The following PLXDC2 variants were observed in gnomAD, a reference collection of about 807,000 sequenced individuals.
PLXDC2 encodes plexin domain-containing protein 2.
A neutral mutation model predicts 68.9 loss-of-function variants in PLXDC2; 40 were observed. The observed-to-expected ratio is 0.58, with a 90% CI of 0.45 to 0.76. The LOEUF is 0.76. PLXDC2 is among the 30% of genes least tolerant of loss of function. PLXDC2 has a pLI of 0.00. For synonymous variants in PLXDC2, 243 were observed against 234.2 expected (o/e 1.04, Z -0.34); for missense variants, 644 against 661.9 (o/e 0.97, Z 0.30).
At position 19,994,255 on chromosome 10, in the gene PLXDC2, T is replaced by C. The variant is rs930544479; in HGVS notation, c.113-7520T>C. Among the ~76,000 whole-genome samples, 46 of 38,718 alleles carry C rather than the reference T, an allele frequency of 1.2e-3. 1 individual carries two copies. The highest frequency in any genetic ancestry group is 4.2e-3 in the African/African-American group (45 of 10,744). The allele number at this position is 38,718 out of a possible 152,430, so 25.4% of individuals were successfully genotyped here. A position where few individuals can be genotyped will look rare whatever the true frequency, so the allele number is the denominator to read the frequency against. ...TCATAGGTTCCCATTGTATTCTCCTTTTTTTTTTTTTTTTTTTTTTTAACC... is the reference window on the plus strand; with the variant it reads ...TCATAGGTTCCCATTGTATTCTCCTCTTTTTTTTTTTTTTTTTTTTTAACC... On this transcript the variant is annotated intron_variant, in intron 1 of 13. Coordinates refer to ENST00000377252, the MANE Select transcript of PLXDC2 (RefSeq NM_032812.9).
chr10:19,966,370 A>AAAATATATATGTGCACATATAT (rs1564641802), intron 1 of PLXDC2, among the ~76,000 whole-genome samples: 8 of 133,486 alleles, frequency 6.0e-5, no homozygotes, highest in East Asian at 2.0e-4. Flanking sequence ...CACATATATA[A>AAAATATATATGTGCACATATAT]AAAATATATA....
chr10:20,247,828 G>C (rs1189431126), intron 13 of PLXDC2, among the ~76,000 whole-genome samples: 1 of 152,182 alleles, frequency 6.6e-6, no homozygotes, highest in Non-Finnish European at 1.5e-5. Context: ...GGACATTTCA[G>C]ACTTCCAGTG....
intron 12 of PLXDC2, among the ~76,000 whole-genome samples, chr10:20,234,603 A>G (rs1835408138): frequency 6.6e-6 from 1 of 151,816 alleles, no homozygotes; most frequent in South Asian, 2.1e-4. Context: ...AACACAAACT[A>G]AAATGAAATT....
chr10:20,127,820 T>A (rs1833813187), intron 4 of PLXDC2, among the ~76,000 whole-genome samples: 1 of 152,058 alleles, frequency 6.6e-6, no homozygotes, highest in South Asian at 2.1e-4. Context: ...CAAGACCCCA[T>A]CTCTTAAACA....
At chr10:20,077,710 C>G (rs1475635344) in intron 4 of PLXDC2, among the ~76,000 whole-genome samples, 1 of 152,066 alleles carries the variant, frequency 6.6e-6, no homozygotes, top group Non-Finnish European at 1.5e-5. Flanking sequence ...ATCCAAAGCA[C>G]TTTTAGATGA....
chr10:20,273,370 A>T (rs1047250207), intron 13 of PLXDC2, among the ~76,000 whole-genome samples: 3 of 152,032 alleles, frequency 2.0e-5, no homozygotes, highest in African/African-American at 7.3e-5. Context: ...TCCTTTCATG[A>T]TTATTACTGA....
chr10:20,164,686 A>G, intron 7 of PLXDC2, 119 bp downstream of exon 7: 2 of 746,610 alleles, frequency 2.7e-6, no homozygotes, highest in Middle Eastern at 2.4e-4. Context: ...TTAGCTGATT[A>G]ATGCTTGTTA....
intron 1 of PLXDC2, among the ~76,000 whole-genome samples, chr10:19,951,030 A>G (rs925111793): frequency 6.6e-6 from 1 of 152,214 alleles, no homozygotes; most frequent in Non-Finnish European, 1.5e-5. Context: ...GTGAGTCCTC[A>G]AACTGTAAGA....
chr10:19,858,758 A>G (rs933318686), intron 1 of PLXDC2, among the ~76,000 whole-genome samples: 1 of 152,160 alleles, frequency 6.6e-6, no homozygotes, highest in Non-Finnish European at 1.5e-5. Flanking sequence ...AAAAGGTTTC[A>G]TAATGGCACT....
intron 1 of PLXDC2, among the ~76,000 whole-genome samples, chr10:19,940,851 A>C (rs1162083527): frequency 1.3e-5 from 2 of 152,146 alleles, no homozygotes; most frequent in African/African-American, 4.8e-5. Flanking sequence ...AATTTGAGCT[A>C]TCTCTGAGCT....
At chr10:20,234,241 G>A (rs573539539) in intron 12 of PLXDC2, among the ~76,000 whole-genome samples, 84 of 152,228 alleles carry the variant, frequency 5.5e-4, no homozygotes, top group Admixed American at 1.6e-3. Context: ...AGTGTCATAT[G>A]CCCACACAGC....
intron 9 of PLXDC2, among the ~76,000 whole-genome samples, chr10:20,210,339 A>G (rs1171648407): frequency 3.9e-5 from 6 of 152,282 alleles, no homozygotes; most frequent in Non-Finnish European, 7.4e-5. Flanking sequence ...ATCTTATTGT[A>G]CTGTACTCAC....
chr10:20,121,425 C>A (rs1173641001), intron 4 of PLXDC2, among the ~76,000 whole-genome samples: 1 of 152,158 alleles, frequency 6.6e-6, no homozygotes, highest in Non-Finnish European at 1.5e-5. Context: ...CGGACACAAT[C>A]AGCAGGGAAA....
intron 1 of PLXDC2, among the ~76,000 whole-genome samples, chr10:19,972,455 TG>T (rs1422116915): frequency 1.3e-5 from 2 of 151,838 alleles, no homozygotes; most frequent in East Asian, 3.9e-4. Flanking sequence ...GGGTGAAGGG[TG>T]GGAGGAGAAT....
At chr10:20,088,587 A>G (rs78220625) in intron 4 of PLXDC2, among the ~76,000 whole-genome samples, 2,567 of 152,254 alleles carry the variant, frequency 0.017, 181 homozygotes, top group East Asian at 0.13. Context: ...AACACCACCC[A>G]TAGGAAACTA....
At chr10:20,237,740 C>G (rs1412247149) in intron 12 of PLXDC2, among the ~76,000 whole-genome samples, 2 of 152,120 alleles carry the variant, frequency 1.3e-5, no homozygotes, top group Non-Finnish European at 2.9e-5. Context: ...ATTTTGGCAT[C>G]TTCTGTGTAA....
intron 1 of PLXDC2, among the ~76,000 whole-genome samples, chr10:19,890,427 G>A (rs1837934133): frequency 1.3e-5 from 2 of 151,704 alleles, no homozygotes; most frequent in African/African-American, 4.8e-5. Flanking sequence ...GTGGTCCTCA[G>A]TGCCTATTGT....
chr10:19,922,775 G>T lies in PLXDC2; in HGVS notation c.113-79000G>T, dbSNP rs148403796. Among the ~76,000 whole-genome samples, 573 of 152,234 alleles carry T rather than the reference G, an allele frequency of 3.8e-3. 3 individuals carry two copies. Among genetic ancestry groups the T allele is most frequent in the African/African-American group, 0.013 (543 of 41,536 alleles). ...CATGTTTTGAAAGCTTATAAAGTTG[G>T]TCTCCAGTGCCAGAAATTCCCATTT... On this transcript the variant is annotated intron_variant, in intron 1 of 13. Coordinates refer to ENST00000377252, the MANE Select transcript of PLXDC2 (RefSeq NM_032812.9).
Position 20,184,043 on chromosome 10 carries a change from C to T in PLXDC2, c.1061+6634C>T, listed in dbSNP as rs1362918463. Among the ~76,000 whole-genome samples the T allele has an allele frequency of 8.9e-5, 8 of 89,560 alleles. No individual in the cohort carries two copies. The South Asian group carries it at 2.8e-3, about 31-fold the overall frequency. The allele number at this position is 89,560 out of a possible 152,430, so 58.8% of individuals were successfully genotyped here. ...CCATTAAAAGAATAAACAGAATAAG[C>T]CCCTCCTTATTAATGGTAAAGATAT... On this transcript the variant is annotated intron_variant, in intron 9 of 13. Transcript: ENST00000377252.
Sources: gnomAD v4.1 joint callset for allele counts (sites outside exome capture counted in the v4.1 genomes callset) on GRCh38, gnomAD v4.1.1 for gene constraint, MANE v1.5 for transcripts, NCBI Gene and HGNC (gene_info 2026-07-23, HGNC 2026-07-21) for gene names.